The following ETV6 variants were observed in gnomAD, a reference collection of about 807,000 sequenced individuals.
The protein encoded by ETV6 is transcription factor ETV6.
In ETV6, 16 loss-of-function variants were observed where a neutral mutation model predicts 51.1. The observed-to-expected ratio is 0.31, with a 90% confidence interval of 0.21 to 0.48. ETV6 has a LOEUF of 0.48. Ranked by LOEUF, ETV6 falls within the 20% of genes least tolerant of loss-of-function variation. The pLI is 0.99. For synonymous variants in ETV6, 240 were observed against 224.1 expected (o/e 1.07, Z -0.64); for missense variants, 458 against 594.8 (o/e 0.77, Z 2.39).
rs1245492047 is a variant in ETV6, at chr12:11,689,220, G to C, written c.33+39060G>C. 3.9e-5 allele frequency among the ~76,000 whole-genome samples: 6 copies of C among 152,164 alleles called. No homozygotes were observed. The East Asian group carries it at 1.2e-3, about 29-fold the overall frequency. Reference sequence around the variant, plus strand: ...AGATTGAACCCCTGTGCTGGGGCTGGGGACAGGGAGTACCATAATACAATT... The same window carrying C: ...AGATTGAACCCCTGTGCTGGGGCTGCGGACAGGGAGTACCATAATACAATT... On this transcript the variant is annotated intron_variant, in intron 1 of 7. Transcript: ENST00000396373.
chr12:11,870,101 G>A, intron 5 of ETV6, 132 bp downstream of exon 5: 1 of 1,027,896 alleles, frequency 9.7e-7, no homozygotes. Flanking sequence ...GAGGGCAATT[G>A]GAGGCTTCTG....
Position 11,793,421 on chromosome 12 carries a change from C to T in ETV6, c.163+40842C>T, listed in dbSNP as rs374922985. 2.2e-4 allele frequency among the ~76,000 whole-genome samples: 34 copies of T among 152,342 alleles called. No individual in the cohort carries two copies. In the East Asian group the frequency reaches 4.4e-3, roughly 20 times the overall value. The stretch of plus-strand genomic sequence containing the variant: ...GGCCCATAGGACTTTATGTCCTGGA[C>T]TGGGCAAGGTTATAGAAGATGTTTT... On this transcript the variant is annotated intron_variant, in intron 2 of 7. Transcript: ENST00000396373.
intron 5 of ETV6, 96 bp downstream of exon 5, chr12:11,870,065 C>CA: frequency 2.9e-6 from 4 of 1,388,592 alleles, no homozygotes; most frequent in Non-Finnish European, 3.9e-6. Flanking sequence ...GCACCATTCC[C>CA]AATTAGGCGC....
At chr12:11,800,433 C>T (rs1278176640) in intron 2 of ETV6, among the ~76,000 whole-genome samples, 2 of 152,026 alleles carry the variant, frequency 1.3e-5, no homozygotes, top group Admixed American at 6.6e-5. Flanking sequence ...TTAAAATCTA[C>T]CATCTTCATA....
chr12:11,657,296 ATCCTAGGTCCATGT>A (rs1448150742), intron 1 of ETV6, among the ~76,000 whole-genome samples: 13 of 152,334 alleles, frequency 8.5e-5, no homozygotes, highest in African/African-American at 2.9e-4. Flanking sequence ...TCAGTGTTCC[ATCCTAGGTCCATGT>A]TCCTCTAACA....
At chr12:11,755,142 G>A (rs1944988753) in intron 2 of ETV6, among the ~76,000 whole-genome samples, 1 of 152,214 alleles carries the variant, frequency 6.6e-6, no homozygotes, top group East Asian at 1.9e-4. Context: ...GTTCACTGGT[G>A]TGGCCGTAGC....
intron 2 of ETV6, among the ~76,000 whole-genome samples, chr12:11,757,314 C>T (rs559053649): frequency 2.6e-5 from 4 of 152,206 alleles, no homozygotes; most frequent in African/African-American, 9.6e-5. Context: ...TTAAGACAGC[C>T]ACGTGACAGG....
At chr12:11,827,287 G>A (rs919172597) in intron 2 of ETV6, among the ~76,000 whole-genome samples, 1 of 152,282 alleles carries the variant, frequency 6.6e-6, no homozygotes, top group South Asian at 2.1e-4. Context: ...CCTTTCGGTG[G>A]AGGGTAGATT....
rs201649292 is a variant in ETV6 at position 11,683,968 on chromosome 12, CTT to C, written c.33+33811_33+33812del. ...AATGTGCATAAAGATGAAAGCCTGA[CTT>C]TTCTAAACACTGTGTTATAAAATTA... On this transcript the variant is annotated intron_variant, in intron 1 of 7. Transcript: ENST00000396373. Among the ~76,000 whole-genome samples the C allele has an allele frequency of 5.5e-3, 844 of 152,082 alleles. 38 individuals carry two copies. Among genetic ancestry groups the C allele is most frequent in the Admixed American group, 0.05 (765 of 15,282 alleles).
chr12:11,884,572 G>A lies in ETV6; in HGVS notation c.1137G>A (p.Leu379=), dbSNP rs770429411. Residue 379 remains leucine (L), a synonymous_variant, in exon 6 of 8, where the codon CTG becomes CTA. Transcript: ENST00000396373. The part of the protein sequence containing the change: ...RIVDPNGLAR[L]WGNHKNRTNM... Reference sequence around the variant, plus strand: ...TGGATCCCAACGGACTGGCTCGACTGTGGGGAAACCATAAGGTAAAAGGGC... The same window carrying A: ...TGGATCCCAACGGACTGGCTCGACTATGGGGAAACCATAAGGTAAAAGGGC... The A allele has an allele frequency of 6.2e-7, 1 of 1,614,170 alleles. No homozygotes were observed. The highest frequency in any genetic ancestry group is 8.5e-7 in the Non-Finnish European group (1 of 1,180,036).
intron 1 of ETV6, among the ~76,000 whole-genome samples, chr12:11,732,350 C>T (rs550503088): frequency 6.6e-6 from 1 of 152,234 alleles, no homozygotes; most frequent in African/African-American, 2.4e-5. Flanking sequence ...TCAAATATTT[C>T]TGTTGATCTC....
At chr12:11,690,678 G>A (rs775436260) in intron 1 of ETV6, among the ~76,000 whole-genome samples, 1 of 152,010 alleles carries the variant, frequency 6.6e-6, no homozygotes, top group Non-Finnish European at 1.5e-5. Flanking sequence ...CACTTGAGGT[G>A]CAGTTCAAGA....
chr12:11,772,532 C>T (rs1199531559), intron 2 of ETV6, among the ~76,000 whole-genome samples: 1 of 152,108 alleles, frequency 6.6e-6, no homozygotes, highest in Non-Finnish European at 1.5e-5. Context: ...AGTTTCCCCA[C>T]CCAAAATTTC....
chr12:11,853,340 G>A (rs1037375714), intron 3 of ETV6, 87 bp from the exon 4 acceptor site: 226 of 1,517,784 alleles, frequency 1.5e-4, no homozygotes, highest in Admixed American at 2.4e-4. Context: ...CTTTGGCACC[G>A]TGCCAGGCAC....
At chr12:11,824,772 A>G (rs1946129166) in intron 2 of ETV6, among the ~76,000 whole-genome samples, 1 of 151,216 alleles carries the variant, frequency 6.6e-6, no homozygotes, top group Admixed American at 6.6e-5. Flanking sequence ...ACTCCATCTC[A>G]AAAAGAAAAA....
At chr12:11,732,562 TC>T in intron 1 of ETV6, among the ~76,000 whole-genome samples, 1 of 152,110 alleles carries the variant, frequency 6.6e-6, no homozygotes, top group South Asian at 2.1e-4. Context: ...TTGGGGAGTT[TC>T]CCCCCATTGT....
intron 1 of ETV6, among the ~76,000 whole-genome samples, chr12:11,710,075 A>G (rs532240403): frequency 4.9e-4 from 74 of 152,330 alleles, no homozygotes; most frequent in African/African-American, 1.7e-3. Flanking sequence ...GGTCAGCAGT[A>G]TATTAGGCGC....
intron 2 of ETV6, among the ~76,000 whole-genome samples, chr12:11,833,508 C>T (rs1483462819): frequency 6.6e-6 from 1 of 152,184 alleles, no homozygotes; most frequent in Admixed American, 6.5e-5. Flanking sequence ...ATTTGATATC[C>T]TGCCAAAACA....
intron 1 of ETV6, chr12:11,750,717 CTG>C (rs1049906568): frequency 2.6e-6 from 1 of 386,092 alleles, no homozygotes; most frequent in African/African-American, 2.1e-5. Flanking sequence ...TAAAAACAGA[CTG>C]TTTGAAATGC....
Sources: allele counts gnomAD v4.1 joint callset (sites outside exome capture counted in the v4.1 genomes callset), GRCh38; gene constraint gnomAD v4.1.1; transcripts MANE v1.5; gene names NCBI Gene and HGNC (gene_info 2026-07-23, HGNC 2026-07-21).